The following KALRN variants were observed in gnomAD, a reference collection of about 807,000 sequenced individuals.
KALRN encodes the protein kalirin.
A neutral mutation model predicts 353.7 loss-of-function variants in KALRN; 70 were observed. That is an observed-to-expected ratio of 0.20 (90% confidence interval 0.16 to 0.24). KALRN has a LOEUF of 0.24. Ranked by LOEUF, KALRN falls within the 10% of genes least tolerant of loss-of-function variation. The probability of loss-of-function intolerance (pLI) is 1.00; values close to 1 mark genes in which losing one functional copy is unlikely to be tolerated. For synonymous variants in KALRN, 1,391 were observed against 1,434.8 expected (o/e 0.97, Z 0.69); for missense variants, 2,791 against 3,756.7 (o/e 0.74, Z 6.72).
chr3:124,221,931 A>T (rs1290313103), intron 1 of KALRN, among the ~76,000 whole-genome samples: 1 of 152,162 alleles, frequency 6.6e-6, no homozygotes, highest in Non-Finnish European at 1.5e-5. Context: ...CTGTGTTCTC[A>T]GATGCAGAGC....
rs553903557 is a variant in KALRN at position 124,086,127 on chromosome 3, C to CTT, written c.73+52322_73+52323dup. Among the ~76,000 whole-genome samples, 8 of 150,594 alleles carry CTT rather than the reference C, an allele frequency of 5.3e-5. No individual in the cohort carries two copies. The South Asian group carries it at 1.5e-3, about 28-fold the overall frequency. On this transcript the variant is annotated intron_variant, in intron 1 of 59. Coordinates refer to ENST00000682506, the MANE Select transcript of KALRN (RefSeq NM_001388419.1). ...GTGGGACATTTAGGTTTTTTCTTTC[C>CTT]TTTTTTTTTCTGTTATAGAATACAC...
chr3:124,126,241 TGAAAA>T (rs913094799), intron 1 of KALRN, among the ~76,000 whole-genome samples: 4 of 152,120 alleles, frequency 2.6e-5, no homozygotes, highest in Non-Finnish European at 5.9e-5. Flanking sequence ...TTTCCAAACT[TGAAAA>T]GATATATATC....
intron 34 of KALRN, among the ~76,000 whole-genome samples, chr3:124,590,136 C>T (rs1561358881): frequency 6.6e-6 from 1 of 152,110 alleles, no homozygotes. Context: ...CTTCTCTTTC[C>T]ATGTCTGATT....
At chr3:124,208,041 C>G (rs531356450) in intron 1 of KALRN, among the ~76,000 whole-genome samples, 17 of 152,262 alleles carry the variant, frequency 1.1e-4, no homozygotes, top group South Asian at 4.2e-4. Flanking sequence ...GCTTTCCCCC[C>G]CAGTTCAGTG....
intron 34 of KALRN, among the ~76,000 whole-genome samples, chr3:124,601,715 AT>A (rs34744255): frequency 0.6 from 90,628 of 151,998 alleles, 27,232 homozygotes; most frequent in East Asian, 0.83. Flanking sequence ...TGTGGTAAAT[AT>A]TCTGCCTTTT....
intron 48 of KALRN, 65 bp from the exon 49 acceptor site, chr3:124,674,299 C>A: frequency 1.9e-6 from 3 of 1,540,564 alleles, no homozygotes; most frequent in Non-Finnish European, 2.6e-6. Flanking sequence ...GGGTAGGGTG[C>A]AGAGCAAGCC....
At chr3:124,557,231 C>T (rs1165100317) in intron 33 of KALRN, among the ~76,000 whole-genome samples, 1 of 152,126 alleles carries the variant, frequency 6.6e-6, no homozygotes, top group Non-Finnish European at 1.5e-5. Flanking sequence ...ATCCACTTCC[C>T]ACTGGGTAGA....
At chr3:124,072,197 A>G (rs2060050086) in intron 1 of KALRN, among the ~76,000 whole-genome samples, 1 of 152,212 alleles carries the variant, frequency 6.6e-6, no homozygotes, top group South Asian at 2.1e-4. Context: ...TTTTCTAAAT[A>G]CAATCCAGGA....
intron 10 of KALRN, among the ~76,000 whole-genome samples, chr3:124,353,693 G>A (rs905450211): frequency 2.0e-5 from 3 of 151,886 alleles, no homozygotes; most frequent in Admixed American, 2.0e-4. Flanking sequence ...AAAGGTGGGA[G>A]AGCTTAAATA....
intron 3 of KALRN, among the ~76,000 whole-genome samples, chr3:124,243,354 G>A (rs564281009): frequency 1.4e-4 from 22 of 152,246 alleles, no homozygotes; most frequent in Non-Finnish European, 2.2e-4. Flanking sequence ...CTTCAAATGC[G>A]GAGAGACACA....
intron 1 of KALRN, among the ~76,000 whole-genome samples, chr3:124,066,389 G>A (rs1228999650): frequency 2.0e-5 from 3 of 152,158 alleles, no homozygotes; most frequent in African/African-American, 7.2e-5. Context: ...TGACACTAGG[G>A]TGAAAATGGG....
chr3:124,518,585 C>A (rs570696936), intron 33 of KALRN: 8 of 1,592,516 alleles, frequency 5.0e-6, no homozygotes, highest in Non-Finnish European at 6.8e-6. Flanking sequence ...GTGTGGGGTG[C>A]AGCCTTTGCT....
intron 27 of KALRN, among the ~76,000 whole-genome samples, chr3:124,482,384 C>A (rs533886091): frequency 3.7e-4 from 56 of 152,168 alleles, no homozygotes; most frequent in Non-Finnish European, 6.5e-4. Context: ...TCCTCAGGAG[C>A]CATCAGAATA....
intron 1 of KALRN, among the ~76,000 whole-genome samples, chr3:124,124,256 G>T (rs907171257): frequency 6.6e-6 from 1 of 152,158 alleles, no homozygotes; most frequent in Non-Finnish European, 1.5e-5. Flanking sequence ...GACTTTAAAG[G>T]GTTCAAGGCT....
intron 33 of KALRN, among the ~76,000 whole-genome samples, chr3:124,503,584 G>A (rs2064864557): frequency 6.6e-6 from 1 of 152,072 alleles, no homozygotes. Flanking sequence ...AAGGAGCAGA[G>A]AGCAACAAAA....
chr3:124,679,600 C>A, intron 51 of KALRN, 83 bp downstream of exon 51: 2 of 1,144,488 alleles, frequency 1.7e-6, no homozygotes, highest in Non-Finnish European at 2.7e-6. Context: ...GCTAAAATGA[C>A]CAGCCATTCA....
At chr3:124,639,792 T>C (rs2081823747) in intron 37 of KALRN, among the ~76,000 whole-genome samples, 1 of 152,204 alleles carries the variant, frequency 6.6e-6, no homozygotes, top group Admixed American at 6.5e-5. Flanking sequence ...TAACTACTCT[T>C]GAGGACCTAC....
chr3:124,475,617 T>C (rs1406691589), intron 26 of KALRN, among the ~76,000 whole-genome samples: 1 of 152,236 alleles, frequency 6.6e-6, no homozygotes, highest in East Asian at 1.9e-4. Flanking sequence ...AGAGAGTTTA[T>C]GTTCTCAACA....
At chr3:124,661,784 G>A in intron 44 of KALRN, 67 bp from the exon 45 acceptor site, 1 of 1,260,620 alleles carries the variant, frequency 7.9e-7, no homozygotes, top group South Asian at 1.2e-5. Context: ...TTCCAGCACT[G>A]AATTACCAAG....
Sources: allele counts gnomAD v4.1 joint callset (sites outside exome capture counted in the v4.1 genomes callset), GRCh38; gene constraint gnomAD v4.1.1; transcripts MANE v1.5; gene names NCBI Gene and HGNC (gene_info 2026-07-23, HGNC 2026-07-21).